SASH3: variants seen among roughly 807,000 people sequenced by gnomAD.
SASH3 encodes the protein SAM and SH3 domain containing 3, also known as SAM and SH3 domain-containing protein 3.
SASH3 carries 7 observed loss-of-function variants against 26.1 expected under a neutral mutation model. The observed-to-expected ratio is 0.27, with a 90% CI of 0.15 to 0.50. SASH3 has a LOEUF of 0.50. Among genes scored for constraint, SASH3 ranks in the 20% least tolerant of loss-of-function variants. The pLI, the probability that SASH3 is intolerant of heterozygous loss-of-function variation, is 0.98. For synonymous variants in SASH3, 138 were observed against 136.8 expected (o/e 1.01, Z -0.06); for missense variants, 231 against 318.3 (o/e 0.73, Z 2.09).
At chrX:129,788,257 T>C in intron 2 of SASH3, 174 bp from the exon 3 acceptor site, 1 of 547,065 alleles carries the variant, frequency 1.8e-6, no homozygotes. Context: ...AATAGCAAAC[T>C]ATTTATAAAT....
chrX:129,789,746 C>T (rs963399533), intron 3 of SASH3, among the ~76,000 whole-genome samples: 4 of 112,253 alleles, frequency 3.6e-5, no homozygotes, highest in Non-Finnish European at 7.5e-5. Flanking sequence ...GCTTAAATCA[C>T]ACAGTGGGTT....
chrX:129,787,550 G>A (rs1198521829), intron 1 of SASH3, among the ~76,000 whole-genome samples: 1 of 111,827 alleles, frequency 8.9e-6, no homozygotes, highest in Non-Finnish European at 1.9e-5. Flanking sequence ...AGGACATGGA[G>A]GCCAGAGCCA....
At chrX:129,785,401 G>A (rs1250093653) in intron 1 of SASH3, among the ~76,000 whole-genome samples, 2 of 111,783 alleles carry the variant, frequency 1.8e-5, no homozygotes, top group South Asian at 7.4e-4. Flanking sequence ...CCTGAAACTC[G>A]ATCACCCAAA....
At chrX:129,781,818 G>T (rs1394430662) in intron 1 of SASH3, among the ~76,000 whole-genome samples, 5 of 112,315 alleles carry the variant, frequency 4.5e-5, no homozygotes, top group African/African-American at 1.6e-4. Flanking sequence ...CCCAACCCCT[G>T]CCAGAGCCGG....
chrX:129,787,860 G>A, intron 1 of SASH3, 115 bp from the exon 2 acceptor site: 1 of 536,476 alleles, frequency 1.9e-6, no homozygotes, highest in Admixed American at 2.9e-5. Context: ...GGCTCCCATG[G>A]CAATGTGGCT....
At chrX:129,788,967 GTGGCACA>G (rs984635795) in intron 3 of SASH3, among the ~76,000 whole-genome samples, 2 of 109,283 alleles carry the variant, frequency 1.8e-5, no homozygotes, top group African/African-American at 3.3e-5. Context: ...GCCAGGCGTG[GTGGCACA>G]TGCCTGTAAT....
intron 1 of SASH3, among the ~76,000 whole-genome samples, chrX:129,787,283 C>G (rs2124076435): frequency 8.9e-6 from 1 of 112,602 alleles, no homozygotes; most frequent in African/African-American, 3.2e-5. Flanking sequence ...ACATTAGTGG[C>G]TAAGATTAAA....
At chrX:129,788,137 G>GGGGGGGGGGGGGGGGGGGT in intron 2 of SASH3, 67 bp downstream of exon 2, 2 of 354,276 alleles carry the variant, frequency 5.6e-6, no homozygotes, top group Non-Finnish European at 1.1e-5. Context: ...GGGTGGGAGG[G>GGGGGGGGGGGGGGGGGGGT]AAGAGGGTGA....
intron 3 of SASH3, among the ~76,000 whole-genome samples, chrX:129,789,157 GAAAGAAAGAGA>G (rs1411166279): frequency 9.3e-5 from 6 of 64,185 alleles, no homozygotes; most frequent in East Asian, 8.1e-4. Context: ...AAGAAAGAAA[GAAAGAAAGAGA>G]AAAAAAAAAA....
In SASH3 at chrX:129,794,618, C is replaced by T. The variant is rs1927300720; in HGVS notation, c.*786C>T. The stretch of plus-strand genomic sequence containing the variant: ...GATGAAATGGCTCCTCCTACTCACC[C>T]ACTTTATTCCTCTCCATGTAATTCA... On this transcript the variant is annotated 3_prime_UTR_variant, in exon 8 of 8. Transcript: ENST00000356892. The T allele has an allele frequency of 9.0e-6, 1 of 111,593 alleles. No individual in the cohort carries two copies. The allele number at this position is 111,593 out of a possible 1,213,427, so 9.2% of individuals were successfully genotyped here. A position where few individuals can be genotyped will look rare whatever the true frequency, so the allele number is the denominator to read the frequency against.
At chrX:129,793,536 G>C in intron 7 of SASH3, 106 bp from the exon 8 acceptor site, 1 of 849,113 alleles carries the variant, frequency 1.2e-6, no homozygotes, top group Admixed American at 2.9e-5. Flanking sequence ...GTGAGGAGAG[G>C]GGCAGGGCGG....
At chrX:129,790,372 G>T (rs1927209055) in intron 3 of SASH3, among the ~76,000 whole-genome samples, 1 of 110,253 alleles carries the variant, frequency 9.1e-6, no homozygotes, top group Non-Finnish European at 1.9e-5. Context: ...GTGTGGTGAG[G>T]TAGGGGGAGC....
At position 129,794,954 on chromosome X, in the gene SASH3, G is replaced by C. The variant is rs775615936; in HGVS notation, c.*1122G>C. On this transcript the variant is annotated 3_prime_UTR_variant, in exon 8 of 8. Transcript: ENST00000356892. ...CCCAGAAGGAAAGGAGAGTATCTGTGAGTGGGGGCCTCCCTTGACCCCAGT... is the reference window on the plus strand; with the variant it reads ...CCCAGAAGGAAAGGAGAGTATCTGTCAGTGGGGGCCTCCCTTGACCCCAGT... The C allele has an allele frequency of 9.0e-6, 1 of 111,573 alleles. No individual in the cohort carries two copies. The highest frequency in any genetic ancestry group is 3.3e-5 in the African/African-American group (1 of 30,631). 9.2% of individuals were successfully genotyped at this position (111,573 alleles called of 1,213,427 possible).
intron 1 of SASH3, among the ~76,000 whole-genome samples, chrX:129,784,860 C>A (rs1927078856): frequency 9.1e-6 from 1 of 110,334 alleles, no homozygotes. Flanking sequence ...TATAATTATA[C>A]AGGGGGAACC....
At chrX:129,786,535 A>C (rs1927109666) in intron 1 of SASH3, among the ~76,000 whole-genome samples, 1 of 110,471 alleles carries the variant, frequency 9.1e-6, no homozygotes, top group Admixed American at 9.6e-5. Flanking sequence ...ATCCCACTCT[A>C]TCTGTCTGGC....
chrX:129,787,940 T>C, intron 1 of SASH3, 35 bp from the exon 2 acceptor site: 1 of 1,112,020 alleles, frequency 9.0e-7, no homozygotes, highest in Non-Finnish European at 1.2e-6. Flanking sequence ...GGCAGCCATT[T>C]AGCCCACTGA....
intron 1 of SASH3, among the ~76,000 whole-genome samples, chrX:129,784,870 C>A (rs777940442): frequency 4.5e-5 from 5 of 110,013 alleles, no homozygotes; most frequent in African/African-American, 1.7e-4. Context: ...CAGGGGGAAC[C>A]ATATGGTGTA....
chrX:129,788,279 A>G (rs1370972236), intron 2 of SASH3, 152 bp from the exon 3 acceptor site: 5 of 578,945 alleles, frequency 8.6e-6, no homozygotes, highest in Non-Finnish European at 1.4e-5. Flanking sequence ...TATAGGGCTA[A>G]GGACATGGCT....
intron 1 of SASH3, among the ~76,000 whole-genome samples, chrX:129,781,737 C>T (rs2124070763): frequency 8.9e-6 from 1 of 112,275 alleles, no homozygotes; most frequent in African/African-American, 3.2e-5. Flanking sequence ...GCAAGTGGGC[C>T]CCTGGGATTT....
Sources: allele counts gnomAD v4.1 joint callset (sites outside exome capture counted in the v4.1 genomes callset), GRCh38; gene constraint gnomAD v4.1.1; transcripts MANE v1.5; gene names NCBI Gene and HGNC (gene_info 2026-07-23, HGNC 2026-07-21).